TMEM181: variants seen among roughly 807,000 people sequenced by gnomAD.
TMEM181 encodes the protein transmembrane protein 181, also known as G protein-coupled receptor 178.
A neutral mutation model predicts 71.9 loss-of-function variants in TMEM181; 39 were observed. That is an observed-to-expected ratio of 0.54 (90% CI 0.42 to 0.71). The LOEUF (loss-of-function observed/expected upper bound fraction) is 0.71, where lower values mean the gene tolerates loss of function less well. TMEM181 is among the 30% of genes least tolerant of loss of function. TMEM181 has a pLI of 0.00. For synonymous variants in TMEM181, 245 were observed against 228.8 expected (o/e 1.07, Z -0.64); for missense variants, 595 against 583.0 (o/e 1.02, Z -0.21).
rs1228980258 is a variant in TMEM181, at chr6:158,631,805, C to T, written c.1350-5C>T. ...AGACGGTCTCAAAGGTCTCTTTGCT[C>T]ACAGGAGTGACTATGAGGAAATGCC... On this transcript the variant is annotated splice_region_variant and splice_polypyrimidine_tract_variant and intron_variant, in intron 16 of 16. Transcript: ENST00000684151. 1 of 1,594,076 alleles carries T rather than the reference C, an allele frequency of 6.3e-7. No individual in the cohort carries two copies. Among genetic ancestry groups the T allele is most frequent in the Non-Finnish European group, 8.5e-7 (1 of 1,169,714 alleles).
At chr6:158,544,709 AC>A (rs1264285162) in intron 1 of TMEM181, among the ~76,000 whole-genome samples, 1 of 150,484 alleles carries the variant, frequency 6.6e-6, no homozygotes, top group Non-Finnish European at 1.5e-5. Flanking sequence ...AGTCTTCATC[AC>A]CCCCTCCCCT....
chr6:158,556,907 C>A (rs532293153), upstream of TMEM181, among the ~76,000 whole-genome samples: 4 of 152,148 alleles, frequency 2.6e-5, no homozygotes, highest in Non-Finnish European at 4.4e-5. Flanking sequence ...GGATTACAGG[C>A]ACCTGCCACC....
intron 13 of TMEM181, among the ~76,000 whole-genome samples, chr6:158,627,013 A>C (rs1163875599): frequency 7.3e-6 from 1 of 136,720 alleles, no homozygotes; most frequent in Non-Finnish European, 1.5e-5. Flanking sequence ...ACACCCTTAC[A>C]GCCTCTCACT....
intron 2 of TMEM181, among the ~76,000 whole-genome samples, chr6:158,574,060 C>T (rs1783027303): frequency 6.8e-6 from 1 of 146,862 alleles, no homozygotes; most frequent in South Asian, 2.1e-4. Flanking sequence ...CAGGTGTCTT[C>T]AGCCCCGTGC....
chr6:158,594,210 TACCTTA>T, intron 6 of TMEM181, among the ~76,000 whole-genome samples: 1 of 148,552 alleles, frequency 6.7e-6, no homozygotes, highest in East Asian at 2.1e-4. Flanking sequence ...GTGATTCTCA[TACCTTA>T]GCCTCCTGGG....
intron 1 of TMEM181, among the ~76,000 whole-genome samples, chr6:158,548,198 G>A (rs1298597281): frequency 6.6e-6 from 1 of 152,142 alleles, no homozygotes; most frequent in Admixed American, 6.5e-5. Context: ...AACCAGCCGT[G>A]TTTGTCCCGA....
chr6:158,570,059 T>C (rs1167609208), intron 1 of TMEM181, among the ~76,000 whole-genome samples: 1 of 152,208 alleles, frequency 6.6e-6, no homozygotes, highest in Non-Finnish European at 1.5e-5. Flanking sequence ...CTTGTGCTTT[T>C]AGCCTCTGCT....
chr6:158,546,257 C>T (rs1562613034), intron 1 of TMEM181, among the ~76,000 whole-genome samples: 1 of 152,320 alleles, frequency 6.6e-6, no homozygotes, highest in East Asian at 1.9e-4. Context: ...CAAATACCCT[C>T]CCCTCAGGCT....
At chr6:158,623,330 A>C (rs905221266) in intron 10 of TMEM181, among the ~76,000 whole-genome samples, 4 of 152,220 alleles carry the variant, frequency 2.6e-5, no homozygotes, top group Admixed American at 2.6e-4. Context: ...TCCAATACTG[A>C]TAAATGTGGA....
chr6:158,572,390 G>A (rs1782907064), intron 1 of TMEM181: 1 of 456,432 alleles, frequency 2.2e-6, no homozygotes, highest in Non-Finnish European at 4.4e-6. Flanking sequence ...CGCTGGTCTG[G>A]CTCCCAAGAC....
At chr6:158,586,273 A>G (rs946504347) in intron 5 of TMEM181, among the ~76,000 whole-genome samples, 1 of 152,204 alleles carries the variant, frequency 6.6e-6, no homozygotes, top group Non-Finnish European at 1.5e-5. Flanking sequence ...CTCAGGCACA[A>G]CAGGTTACTG....
intron 1 of TMEM181, among the ~76,000 whole-genome samples, chr6:158,553,886 C>T (rs920876747): frequency 2.6e-5 from 4 of 152,000 alleles, no homozygotes; most frequent in African/African-American, 9.7e-5. Context: ...AATGATGTCA[C>T]TTTGTTCAAT....
Position 158,631,981 on chromosome 6 carries a change from A to G in TMEM181, c.*93A>G. 8.5e-7 allele frequency: 1 copy of G among 1,182,512 alleles called. No homozygotes were observed. Among genetic ancestry groups the G allele is most frequent in the Admixed American group, 2.3e-5 (1 of 42,570 alleles). 73.3% of individuals were successfully genotyped at this position (1,182,512 alleles called of 1,614,324 possible). A position where few individuals can be genotyped will look rare whatever the true frequency, so the allele number is the denominator to read the frequency against. On this transcript the variant is annotated 3_prime_UTR_variant, in exon 17 of 17. Coordinates refer to ENST00000684151, the MANE Select transcript of TMEM181 (RefSeq NM_001376852.1). ...CCCCTGTTATATTCAGATTTTTCTT[A>G]CAAGCAGAGATTTCCTGTTCATTTG...
chr6:158,578,585 T>C (rs1343447392), intron 2 of TMEM181, among the ~76,000 whole-genome samples: 2 of 152,242 alleles, frequency 1.3e-5, no homozygotes, highest in African/African-American at 4.8e-5. Flanking sequence ...GGGATGGAGC[T>C]GTTATAGGTG....
intron 6 of TMEM181, among the ~76,000 whole-genome samples, chr6:158,604,234 A>G (rs566606631): frequency 6.6e-5 from 10 of 152,288 alleles, no homozygotes; most frequent in Admixed American, 5.9e-4. Flanking sequence ...ATGTGGGGCC[A>G]CCAGGGGCAC....
At chr6:158,607,472 G>A (rs1037214783) in intron 8 of TMEM181, 129 bp downstream of exon 8, 1 of 770,458 alleles carries the variant, frequency 1.3e-6, no homozygotes, top group South Asian at 1.6e-5. Context: ...GAAGCCAGGA[G>A]TTTAACACCA....
At chr6:158,548,888 G>A (rs753371541) in intron 1 of TMEM181, among the ~76,000 whole-genome samples, 6 of 152,236 alleles carry the variant, frequency 3.9e-5, no homozygotes, top group African/African-American at 7.2e-5. Flanking sequence ...AACCACCCAA[G>A]GCAGAGAAGG....
Position 158,607,130 on chromosome 6 carries a change from G to T in TMEM181, c.574-114G>T, listed in dbSNP as rs1027332125. 1.2e-5 allele frequency: 10 copies of T among 803,650 alleles called. No homozygotes were observed. The African/African-American group carries it at 1.7e-4, about 14-fold the overall frequency. 49.8% of individuals were successfully genotyped at this position (803,650 alleles called of 1,614,324 possible). A position where few individuals can be genotyped will look rare whatever the true frequency, so the allele number is the denominator to read the frequency against. On this transcript the variant is annotated intron_variant, in intron 7 of 16. Transcript: ENST00000684151. ...GGCTTAAGGCAGCGACTCTTAGTGG[G>T]GCACCTAGACCATTGATTAGAGAAG...
At chr6:158,554,511 C>A (rs777034672) in intron 1 of TMEM181, among the ~76,000 whole-genome samples, 1 of 152,218 alleles carries the variant, frequency 6.6e-6, no homozygotes, top group Non-Finnish European at 1.5e-5. Context: ...TGAGCCACTT[C>A]GCCTGGCCAA....
Sources: gnomAD v4.1 joint callset for allele counts (sites outside exome capture counted in the v4.1 genomes callset) on GRCh38, gnomAD v4.1.1 for gene constraint, MANE v1.5 for transcripts, NCBI Gene and HGNC (gene_info 2026-07-23, HGNC 2026-07-21) for gene names.